Variants in KCNK2 observed in about 807,000 individuals in gnomAD.
The protein encoded by KCNK2 is potassium two pore domain channel subfamily K member 2.
Under a neutral mutation model 40.5 loss-of-function variants are expected in KCNK2, and 21 were observed. The observed-to-expected ratio is 0.52, with a 90% CI of 0.37 to 0.75. The LOEUF (loss-of-function observed/expected upper bound fraction) is 0.75, where lower values mean the gene tolerates loss of function less well. KCNK2 is among the 30% of genes least tolerant of loss of function. The probability of loss-of-function intolerance (pLI) is 0.00; values close to 1 mark genes in which losing one functional copy is unlikely to be tolerated. For synonymous variants in KCNK2, 191 were observed against 202.2 expected, an observed-to-expected ratio of 0.94 and a Z score of 0.47; for missense variants, 399 against 531.6, an observed-to-expected ratio of 0.75 and a Z score of 2.45.
intron 1 of KCNK2, among the ~76,000 whole-genome samples, chr1:215,010,868 T>TG (rs1347136770): frequency 2.8e-3 from 380 of 135,668 alleles, no homozygotes; most frequent in Non-Finnish European, 4.3e-3. Context: ...TTTTTTTTTT[T>TG]TGTGTGTGTG....
chr1:215,037,181 T>A (rs1418414777), intron 1 of KCNK2, among the ~76,000 whole-genome samples: 1 of 151,870 alleles, frequency 6.6e-6, no homozygotes, highest in Non-Finnish European at 1.5e-5. Flanking sequence ...TTGTTTTCTT[T>A]TCGTAGTCAA....
chr1:215,206,313 T>C (rs1665313356), intron 6 of KCNK2, among the ~76,000 whole-genome samples: 1 of 152,188 alleles, frequency 6.6e-6, no homozygotes, highest in South Asian at 2.1e-4. Flanking sequence ...TTATATAATA[T>C]TATTTTTGAA....
intron 2 of KCNK2, among the ~76,000 whole-genome samples, chr1:215,093,619 TAATATAG>T (rs1479640388): frequency 9.8e-6 from 1 of 102,544 alleles, no homozygotes; most frequent in East Asian, 2.5e-4. Flanking sequence ...ATATAATATA[TAATATAG>T]AATATATATA....
chr1:215,150,395 C>G (rs1289883687), intron 3 of KCNK2, among the ~76,000 whole-genome samples: 1 of 152,084 alleles, frequency 6.6e-6, no homozygotes, highest in Non-Finnish European at 1.5e-5. Flanking sequence ...AAAGAGTAAT[C>G]AATTTCTCCA....
At chr1:215,208,309 G>A (rs1665404663) in intron 6 of KCNK2, among the ~76,000 whole-genome samples, 1 of 152,090 alleles carries the variant, frequency 6.6e-6, no homozygotes, top group Non-Finnish European at 1.5e-5. Context: ...TAACTGATAA[G>A]AGCTTATGAA....
chr1:215,179,910 T>G (rs2102647600), intron 5 of KCNK2, among the ~76,000 whole-genome samples: 1 of 152,142 alleles, frequency 6.6e-6, no homozygotes, highest in South Asian at 2.1e-4. Context: ...AGCCCAGAAC[T>G]TCTTAGTTTT....
At position 215,172,005 on chromosome 1, in the gene KCNK2, T is replaced by A. The variant is rs768014769; in HGVS notation, c.645T>A (p.Asn215Lys). ...AKVEDTFIKW[N>K]VSQTKIRIIS... Reference sequence around the variant, plus strand: ...TTCTGTCTCATCCCTAGAAGTGGAATGTTAGTCAGACCAAGATTCGCATCA... The same window carrying A: ...TTCTGTCTCATCCCTAGAAGTGGAAAGTTAGTCAGACCAAGATTCGCATCA... Residue 215 changes from asparagine to lysine, a missense_variant, in exon 5 of 7, where the codon AAT becomes AAA. Asn to Lys is a moderately conservative substitution (Grantham distance 94). Around this residue, in one of 3 missense-constraint regions of KCNK2, gnomAD observed 279 missense variants for 353.8 expected, o/e 0.79. Coordinates refer to ENST00000444842, the MANE Select transcript of KCNK2 (RefSeq NM_001017425.3). 6.2e-7 allele frequency: 1 copy of A among 1,611,468 alleles called. No individual in the cohort carries two copies. The highest frequency in any genetic ancestry group is 8.5e-7 in the Non-Finnish European group (1 of 1,178,216).
In KCNK2 at chr1:215,083,202, C is replaced by CA; in HGVS notation, c.-184_-183insA. 1.5e-5 allele frequency: 12 copies of CA among 786,680 alleles called. No individual in the cohort carries two copies. Among genetic ancestry groups the CA allele is most frequent in the Non-Finnish European group, 2.3e-5 (12 of 511,088 alleles). The allele number at this position is 786,680 out of a possible 1,614,324, so 48.7% of individuals were successfully genotyped here. A position where few individuals can be genotyped will look rare whatever the true frequency, so the allele number is the denominator to read the frequency against. On this transcript the variant is annotated 5_prime_UTR_variant, in exon 1 of 7. Coordinates refer to ENST00000444842, the MANE Select transcript of KCNK2 (RefSeq NM_001017425.3). ...TTCGTTTCTTCTCACGCTCCCCCCC[C>CA]CGCCCCCTCCCGCGTCCAGCCCCGC...
chr1:215,096,198 G>T (rs1044360325), intron 2 of KCNK2, among the ~76,000 whole-genome samples: 14 of 151,646 alleles, frequency 9.2e-5, no homozygotes, highest in Non-Finnish European at 1.8e-4. Flanking sequence ...ATACCAAGGT[G>T]TGTGTGTGTG....
intron 1 of KCNK2, among the ~76,000 whole-genome samples, chr1:215,060,113 G>A (rs370870662): frequency 1.3e-5 from 2 of 152,200 alleles, no homozygotes; most frequent in African/African-American, 4.8e-5. Context: ...ACTGAGGTGA[G>A]AGCCAACAGG....
At chr1:215,097,852 A>T (rs892174312) in intron 2 of KCNK2, among the ~76,000 whole-genome samples, 1 of 152,142 alleles carries the variant, frequency 6.6e-6, no homozygotes, top group East Asian at 1.9e-4. Context: ...ACTTCTGGGA[A>T]ATGAAAGGTG....
chr1:215,061,784 A>C (rs1658370591), intron 1 of KCNK2, among the ~76,000 whole-genome samples: 2 of 152,050 alleles, frequency 1.3e-5, no homozygotes, highest in Non-Finnish European at 2.9e-5. Context: ...ATAAAAGATG[A>C]TTGTCCTTGT....
chr1:215,007,596 T>C (rs1004304525), intron 1 of KCNK2, among the ~76,000 whole-genome samples: 2 of 152,000 alleles, frequency 1.3e-5, no homozygotes, highest in African/African-American at 4.8e-5. Context: ...TCATATCACT[T>C]AGTATAGACA....
chr1:215,078,326 C>G (rs963795944), upstream of KCNK2, among the ~76,000 whole-genome samples: 6 of 152,194 alleles, frequency 3.9e-5, no homozygotes, highest in African/African-American at 1.4e-4. Flanking sequence ...GATAATAAAA[C>G]TCTTTTTAGA....
At chr1:215,224,882 A>G (rs2102704431) in intron 6 of KCNK2, among the ~76,000 whole-genome samples, 1 of 152,246 alleles carries the variant, frequency 6.6e-6, no homozygotes, top group Non-Finnish European at 1.5e-5. Context: ...TTACTGTGAT[A>G]TCTGAATCAG....
chr1:215,042,777 A>G (rs1302675225), intron 1 of KCNK2, among the ~76,000 whole-genome samples: 1 of 152,162 alleles, frequency 6.6e-6, no homozygotes, highest in African/African-American at 2.4e-5. Context: ...TCATAAAATC[A>G]TGACTTATCT....
At chr1:215,225,031 A>T (rs1288950407) in intron 6 of KCNK2, among the ~76,000 whole-genome samples, 2 of 152,150 alleles carry the variant, frequency 1.3e-5, no homozygotes, top group Non-Finnish European at 2.9e-5. Context: ...ATATAACACC[A>T]GTAAAGGGAG....
chr1:215,169,928 G>A (rs921882042), intron 4 of KCNK2, among the ~76,000 whole-genome samples: 6 of 152,070 alleles, frequency 3.9e-5, no homozygotes, highest in Non-Finnish European at 7.4e-5. Context: ...TTACAGGCTT[G>A]AGCCACCGTG....
intron 3 of KCNK2, among the ~76,000 whole-genome samples, chr1:215,150,463 T>C (rs144707569): frequency 4.6e-5 from 7 of 152,326 alleles, no homozygotes; most frequent in African/African-American, 1.7e-4. Context: ...TTAAATGTAA[T>C]GATACGTTTA....
Sources: allele counts gnomAD v4.1 joint callset (sites outside exome capture counted in the v4.1 genomes callset), GRCh38; gene constraint gnomAD v4.1.1; regional missense constraint gnomAD v4.1.1; transcripts MANE v1.5; gene names NCBI Gene and HGNC (gene_info 2026-07-23, HGNC 2026-07-21).